Variants in CABIN1 observed in about 807,000 individuals in gnomAD.
CABIN1 encodes the protein calcineurin binding protein 1.
A neutral mutation model predicts 227.7 loss-of-function variants in CABIN1; 133 were observed. The observed-to-expected ratio is 0.58, with a 90% CI of 0.51 to 0.67. The LOEUF (loss-of-function observed/expected upper bound fraction) is 0.67, where lower values mean the gene tolerates loss of function less well. Among genes scored for constraint, CABIN1 ranks in the 30% least tolerant of loss-of-function variants. The pLI is 0.00. For synonymous variants in CABIN1, 1,086 were observed against 1,155.1 expected, an observed-to-expected ratio of 0.94 and a Z score of 1.21; for missense variants, 2,408 against 2,852.5, an observed-to-expected ratio of 0.84 and a Z score of 3.55.
chr22:24,019,869 C>A (rs1427124746), intron 1 of CABIN1, among the ~76,000 whole-genome samples: 1 of 151,478 alleles, frequency 6.6e-6, no homozygotes, highest in African/African-American at 2.4e-5. Flanking sequence ...GTTGGTCAGG[C>A]TGGTCTTGAA....
chr22:24,078,368 G>A (rs954118151), intron 19 of CABIN1, among the ~76,000 whole-genome samples: 11 of 152,140 alleles, frequency 7.2e-5, no homozygotes, highest in Admixed American at 2.6e-4. Context: ...TGCTTGCTGA[G>A]CACTCATGAT....
chr22:24,021,005 A>T (rs1043833035), intron 1 of CABIN1, among the ~76,000 whole-genome samples: 24 of 146,350 alleles, frequency 1.6e-4, no homozygotes, highest in African/African-American at 3.7e-4. Flanking sequence ...CTTTAAAAAA[A>T]TTTTTTTTTT....
intron 26 of CABIN1, among the ~76,000 whole-genome samples, chr22:24,109,696 T>C (rs1354258409): frequency 2.6e-5 from 4 of 152,090 alleles, no homozygotes; most frequent in Admixed American, 6.6e-5. Flanking sequence ...AAGAGGCCAG[T>C]GTGGCATGGA....
intron 1 of CABIN1, among the ~76,000 whole-genome samples, chr22:24,011,969 C>G (rs547863179): frequency 1.3e-5 from 2 of 152,284 alleles, no homozygotes; most frequent in African/African-American, 4.8e-5. Flanking sequence ...TGGGTTATTA[C>G]AGGTTATAAG....
rs376253454 is a variant in CABIN1, at chr22:24,063,151, G to A, written c.1884+5G>A. On this transcript the variant is annotated splice_donor_5th_base_variant and intron_variant, in intron 14 of 36. Coordinates refer to ENST00000263119, the MANE Select transcript of CABIN1 (RefSeq NM_012295.4). ...GCTCGCTTCCTGGCGCTGCAGGTTA[G>A]TTCCATGGTCAGCTGCTTGGGGAGC... The A allele has an allele frequency of 2.1e-4, 333 of 1,613,912 alleles. No homozygotes were observed. The highest frequency in any genetic ancestry group is 2.8e-4 in the Non-Finnish European group (326 of 1,179,934).
intron 1 of CABIN1, among the ~76,000 whole-genome samples, chr22:24,018,928 A>G (rs2035497297): frequency 6.6e-6 from 1 of 152,078 alleles, no homozygotes; most frequent in Admixed American, 6.5e-5. Context: ...AGTTAACTTT[A>G]GTGTCTTTTA....
chr22:24,056,503 C>A, intron 10 of CABIN1, 143 bp downstream of exon 10: 2 of 805,466 alleles, frequency 2.5e-6, no homozygotes, highest in Non-Finnish European at 4.0e-6. Flanking sequence ...ATGTCTGAAG[C>A]ACAAATCTCA....
At chr22:24,159,345 G>A (rs972611312) in intron 29 of CABIN1, among the ~76,000 whole-genome samples, 2 of 152,264 alleles carry the variant, frequency 1.3e-5, no homozygotes, top group African/African-American at 4.8e-5. Context: ...TGCCTGACCA[G>A]GCCGGGCCAA....
rs562699349 is a variant in CABIN1, at chr22:24,134,232, C to T, written c.4633-70C>T. 259 of 1,122,260 alleles carry T rather than the reference C, an allele frequency of 2.3e-4. No individual in the cohort carries two copies. In the African/African-American group the frequency reaches 2.3e-3, roughly 10 times the overall value. The allele number at this position is 1,122,260 out of a possible 1,614,324, so 69.5% of individuals were successfully genotyped here. ...GCCATGCAGCCAGGAAGGAGGGGAC[C>T]GCCTGCCTTCCCTGTGGGCGCCCTG... On this transcript the variant is annotated intron_variant, in intron 28 of 36. Coordinates refer to ENST00000263119, the MANE Select transcript of CABIN1 (RefSeq NM_012295.4).
chr22:24,025,949 C>T (rs746368260), intron 1 of CABIN1, among the ~76,000 whole-genome samples: 3 of 151,936 alleles, frequency 2.0e-5, no homozygotes, highest in East Asian at 1.9e-4. Flanking sequence ...GCCTCCCAAC[C>T]TCAGCCCCCT....
rs746060943 is a variant in CABIN1, at chr22:24,061,947, G to A, written c.1618G>A (p.Asp540Asn). 3.7e-6 allele frequency: 6 copies of A among 1,613,526 alleles called. No homozygotes were observed. The South Asian group carries it at 5.5e-5, about 15-fold the overall frequency. ...TGACCTTCCTGTGTCTGTCCTGCAGGACATGATGCTGATGTCTCTCTCCTG... is the reference window on the plus strand; with the variant it reads ...TGACCTTCCTGTGTCTGTCCTGCAGAACATGATGCTGATGTCTCTCTCCTG... Reference protein sequence around the residue: ...LRDCSNKHIKDMMLMSLSCME... With the variant: ...LRDCSNKHIKNMMLMSLSCME... Residue 540 changes from aspartate (D) to asparagine (N), a missense_variant and splice_region_variant, in exon 13 of 37, where the codon GAC (aspartate) becomes AAC (asparagine). This residue lies in a region of CABIN1 where 1,045 missense variants were observed against 1,168.4 expected (regional missense o/e 0.89). Coordinates refer to ENST00000263119, the MANE Select transcript of CABIN1 (RefSeq NM_012295.4).
intron 29 of CABIN1, among the ~76,000 whole-genome samples, chr22:24,164,124 A>G (rs1221611170): frequency 2.0e-5 from 3 of 152,194 alleles, no homozygotes; most frequent in Non-Finnish European, 4.4e-5. Context: ...AGTGCATCCC[A>G]TAGGGGACAG....
At chr22:24,042,672 G>A (rs912991950) in intron 5 of CABIN1, among the ~76,000 whole-genome samples, 3 of 152,158 alleles carry the variant, frequency 2.0e-5, no homozygotes, top group East Asian at 1.9e-4. Flanking sequence ...TCTTGGAAAC[G>A]TGCGACTCCA....
intron 26 of CABIN1, among the ~76,000 whole-genome samples, chr22:24,101,046 A>T (rs1259158915): frequency 6.6e-6 from 1 of 152,172 alleles, no homozygotes; most frequent in Non-Finnish European, 1.5e-5. Context: ...AGGTGGAGGT[A>T]GTGTCCTCTG....
chr22:24,127,039 G>C (rs1423014669), intron 28 of CABIN1, among the ~76,000 whole-genome samples: 1 of 151,642 alleles, frequency 6.6e-6, no homozygotes, highest in East Asian at 1.9e-4. Context: ...ACAAAAAACT[G>C]TCGCAAGGTT....
chr22:24,173,041 C>T (rs1353605292), intron 34 of CABIN1: 10 of 152,218 alleles, frequency 6.6e-5, no homozygotes, highest in Admixed American at 5.2e-4. Context: ...TGGGGACATC[C>T]AGCGATGGAC....
At chr22:24,011,818 G>A (rs2034834572) in intron 1 of CABIN1, 1 of 152,266 alleles carries the variant, frequency 6.6e-6, no homozygotes, top group Non-Finnish European at 1.5e-5. Flanking sequence ...CAGTGGGTGA[G>A]CGCGACTCCA....
chr22:24,096,201 A>C, intron 25 of CABIN1, 119 bp downstream of exon 25: 15 of 1,191,656 alleles, frequency 1.3e-5, no homozygotes, highest in Non-Finnish European at 1.5e-5. Context: ...ACTAGAACTC[A>C]TGGAGTCCCT....
intron 20 of CABIN1, among the ~76,000 whole-genome samples, chr22:24,083,868 T>G (rs941566511): frequency 6.6e-5 from 10 of 152,258 alleles, no homozygotes; most frequent in African/African-American, 2.4e-4. Context: ...CTTAGAGGTT[T>G]TCCATTTTTG....
Sources: allele counts gnomAD v4.1 joint callset (sites outside exome capture counted in the v4.1 genomes callset), GRCh38; gene constraint gnomAD v4.1.1; regional missense constraint gnomAD v4.1.1; transcripts MANE v1.5; gene names NCBI Gene and HGNC (gene_info 2026-07-23, HGNC 2026-07-21).